HELZ2: variants seen among roughly 807,000 people sequenced by gnomAD.
The protein encoded by HELZ2 is 3'-5' exoribonuclease HELZ2.
Under a neutral mutation model 208.8 loss-of-function variants are expected in HELZ2, and 143 were observed. That is an observed-to-expected ratio of 0.68 (90% CI 0.60 to 0.79). The LOEUF (loss-of-function observed/expected upper bound fraction) is 0.79. Ranked by LOEUF, HELZ2 falls within the 30% of genes least tolerant of loss-of-function variation. The pLI, the probability that HELZ2 is intolerant of heterozygous loss-of-function variation, is 0.00. For missense variants in HELZ2, 3,690 were observed against 3,794.5 expected, an observed-to-expected ratio of 0.97 and a Z score of 0.72; for synonymous variants, 1,705 against 1,693.7, an observed-to-expected ratio of 1.01 and a Z score of -0.16.
chr20:63,559,098 C>G (rs1024862039), downstream of HELZ2: 3 of 889,824 alleles, frequency 3.4e-6, no homozygotes, highest in African/African-American at 1.7e-5. Flanking sequence ...GTTCCTCCTC[C>G]AAGTCCACCC....
chr20:63,567,425 C>A, exon 6 of HELZ2: 1 of 1,569,686 alleles, frequency 6.4e-7, no homozygotes, highest in Non-Finnish European at 8.6e-7. Context: ...GTGGTGGTGA[C>A]CACCACGCGG....
At chr20:63,559,683 AGG>A in intron 18 of HELZ2, among the ~76,000 whole-genome samples, 1 of 94,432 alleles carries the variant, frequency 1.1e-5, no homozygotes, top group African/African-American at 3.7e-5. Flanking sequence ...GGTCGGAGTC[AGG>A]GTCAGGTGGG....
At chr20:63,566,418 G>T in exon 7 of HELZ2, 1 of 1,548,422 alleles carries the variant, frequency 6.5e-7, no homozygotes, top group Non-Finnish European at 8.7e-7. Context: ...CCTGGCCTAG[G>T]TCCCGCCTCC....
Position 63,572,118 on chromosome 20 carries a change from G to A in HELZ2, c.268C>T (p.Leu90Phe). The change falls in exon 1 of 19, where the codon CTC becomes TTC. Residue 90 changes from leucine (L) to phenylalanine (F), a missense_variant. By Grantham distance (22) the Leu-to-Phe change is conservative. Around this residue, in one of 3 missense-constraint regions of HELZ2, gnomAD observed 1,119 missense variants for 1,193.4 expected, o/e 0.94. Coordinates refer to ENST00000467148, the Ensembl canonical transcript of HELZ2. ...CTCGAGTATCCTTACTTTGGGCAGA[G>A]CTCGAACTTGGAGAGTCCCGGGGGT... is the stretch of plus-strand genomic sequence containing the variant. 3.1e-6 allele frequency: 5 copies of A among 1,609,510 alleles called. No homozygotes were observed. Among genetic ancestry groups the A allele is most frequent in the Non-Finnish European group, 3.4e-6 (4 of 1,178,400 alleles).
Position 63,563,107 on chromosome 20 carries a change from C to CACCG in HELZ2, c.5711_5714dup (p.Ala1906GlyfsTer36). On this transcript the variant is annotated frameshift_variant, in exon 8 of 19. Coordinates refer to ENST00000467148, the Ensembl canonical transcript of HELZ2. LOFTEE classifies it high-confidence loss of function. The stretch of plus-strand genomic sequence containing the variant: ...CCAGGCAGAGGCTGAAGCCCGGTGC[C>CACCG]ACCGTCCAGAGCTGAGGGCTCGGTA... The CACCG allele has an allele frequency of 6.3e-7, 1 of 1,595,252 alleles. No individual in the cohort carries two copies. The highest frequency in any genetic ancestry group is 8.5e-7 in the Non-Finnish European group (1 of 1,172,216).
intron 6 of HELZ2, 98 bp downstream of exon 7, chr20:63,566,746 A>G: frequency 8.1e-7 from 1 of 1,232,750 alleles, no homozygotes; most frequent in Non-Finnish European, 1.1e-6. Context: ...CCTCTTACAG[A>G]TGGGGAAACT....
At chr20:63,570,647 A>ACCCCCC in intron 2 of HELZ2, 36 bp from the exon 4 acceptor site, 27 of 1,497,342 alleles carry the variant, frequency 1.8e-5, no homozygotes, top group Non-Finnish European at 2.1e-5. Context: ...AGAGGCCTGG[A>ACCCCCC]CCCCACCCCA....
exon 8 of HELZ2, chr20:63,565,439 C>G: frequency 6.2e-7 from 1 of 1,610,224 alleles, no homozygotes; most frequent in Non-Finnish European, 8.5e-7. Context: ...GTGGCGGTAC[C>G]GCTCGGGCTC....
At chr20:63,565,982 G>A in exon 8 of HELZ2, 1 of 1,599,114 alleles carries the variant, frequency 6.3e-7, no homozygotes, top group Non-Finnish European at 8.5e-7. Context: ...CTGCTCCATG[G>A]ACAGGCCCTC....
exon 8 of HELZ2, chr20:63,565,453 G>A (rs551449044): frequency 6.4e-5 from 103 of 1,609,474 alleles, no homozygotes; most frequent in African/African-American, 8.0e-5. Flanking sequence ...CGGGCTCCGC[G>A]TGCAGCAGCT....
chr20:63,569,534 G>A, exon 4 of HELZ2: 1 of 1,608,248 alleles, frequency 6.2e-7, no homozygotes, highest in Non-Finnish European at 8.5e-7. Context: ...CCACCTGGAA[G>A]TCGGCAGTGG....
chr20:63,564,200 A>G lies in HELZ2; in HGVS notation c.4622T>C (p.Val1541Ala), dbSNP rs753613427. ...GACCGTCCGCGTGCACTCGCTGCCC[A>G]CCAGGAACTCAGCCACGAGCCTATT... Residue 1541 changes from valine (V) to alanine (A), a missense_variant, in exon 8 of 19, where the codon GTG becomes GCG. Physicochemically the swap from Val to Ala is moderately conservative, Grantham distance 64. This residue lies in a region of HELZ2 where 2,564 missense variants were observed against 2,580.5 expected (regional missense o/e 0.99). Transcript: ENST00000467148. 11 of 1,611,702 alleles carry G rather than the reference A, an allele frequency of 6.8e-6. No homozygotes were observed. In the Middle Eastern group the frequency reaches 5.0e-4, roughly 73 times the overall value.
chr20:63,559,208 C>T (rs1202068590), exon 19 of HELZ2: 1 of 1,483,054 alleles, frequency 6.7e-7, no homozygotes, highest in South Asian at 1.3e-5. Context: ...CTGGACTTTC[C>T]CTCCCAGTCC....
chr20:63,559,195 GC>G (rs2082848953), downstream of HELZ2: 1 of 1,244,464 alleles, frequency 8.0e-7, no homozygotes, highest in African/African-American at 1.6e-5. Context: ...GGGTGGGGGG[GC>G]CCTGGACTTT....
exon 5 of HELZ2, chr20:63,568,734 G>T: frequency 1.2e-6 from 2 of 1,605,198 alleles, no homozygotes; most frequent in Non-Finnish European, 1.7e-6. Flanking sequence ...AAGCAGCAGC[G>T]GGCCGGAAGC....
chr20:63,563,065 G>A lies in HELZ2; in HGVS notation c.5757C>T (p.Pro1919=), dbSNP rs113142958. 1.5e-4 allele frequency: 233 copies of A among 1,598,844 alleles called. 2 individuals carry two copies. In the East Asian group the frequency reaches 4.4e-3, roughly 30 times the overall value. The change falls in exon 8 of 19, where the codon CCC becomes CCT. Residue 1919 remains proline (P), a synonymous_variant. Transcript: ENST00000467148. ...ACACACGGCCTGAGAAGCAGTCTCCGGGCCGCTCCACGTGCTCCAGGCAGA... is the reference window on the plus strand; with the variant it reads ...ACACACGGCCTGAGAAGCAGTCTCCAGGCCGCTCCACGTGCTCCAGGCAGA...
chr20:63,573,448 C>T (rs900358700), upstream of HELZ2, among the ~76,000 whole-genome samples: 2 of 152,098 alleles, frequency 1.3e-5, no homozygotes, highest in Non-Finnish European at 2.9e-5. This position sits in a 1 kb window ranked among gnomAD's most constrained non-coding sequence, Gnocchi z 4.9. Context: ...CTCACTGACC[C>T]GGACACAGCC....
exon 8 of HELZ2, chr20:63,563,775 A>C: frequency 6.2e-7 from 1 of 1,604,436 alleles, no homozygotes; most frequent in Non-Finnish European, 8.5e-7. Context: ...TGCCGCTGCA[A>C]CACCACGTCC....
chr20:63,565,756 C>T (rs754263469), exon 8 of HELZ2: 16 of 1,601,816 alleles, frequency 1.0e-5, no homozygotes, highest in African/African-American at 4.0e-5. Context: ...CTGGTGCTGC[C>T]GCAGCCTCCG....
Sources: gnomAD v4.1 joint callset for allele counts (sites outside exome capture counted in the v4.1 genomes callset) on GRCh38, gnomAD v4.1.1 for gene constraint, gnomAD v4.1.1 regional missense constraint, Gnocchi (gnomAD v3.1) non-coding constraint, MANE v1.5 for transcripts, NCBI Gene and HGNC (gene_info 2026-07-23, HGNC 2026-07-21) for gene names.